CCDC7: variants seen among roughly 807,000 people sequenced by gnomAD.
CCDC7 encodes the protein coiled-coil domain containing 7.
CCDC7 carries 183 observed loss-of-function variants against 196.9 expected under a neutral mutation model. The observed-to-expected ratio is 0.93, with a 90% CI of 0.82 to 1.05. CCDC7 has a LOEUF of 1.05. Ranked by LOEUF, CCDC7 falls within the 50% of genes least tolerant of loss-of-function variation. The pLI is 0.00. For missense variants in CCDC7, 1,540 were observed against 1,482.2 expected, an observed-to-expected ratio of 1.04 and a Z score of -0.64; for synonymous variants, 525 against 484.6, an observed-to-expected ratio of 1.08 and a Z score of -1.10.
At chr10:32,802,550 G>A (rs987580138) in intron 29 of CCDC7, among the ~76,000 whole-genome samples, 32 of 152,178 alleles carry the variant, frequency 2.1e-4, no homozygotes, top group African/African-American at 7.2e-4. Flanking sequence ...GGGTTCTCTT[G>A]AGGGCTGGAC....
At chr10:32,467,262 C>T (rs543726055) in intron 5 of CCDC7, among the ~76,000 whole-genome samples, 19 of 98,684 alleles carry the variant, frequency 1.9e-4, no homozygotes, top group South Asian at 1.8e-3. Context: ...CCACCATGCC[C>T]GGCTAATTTT....
chr10:32,666,532 C>A (rs533837172), intron 21 of CCDC7, among the ~76,000 whole-genome samples: 1 of 135,668 alleles, frequency 7.4e-6, no homozygotes, highest in East Asian at 2.3e-4. Flanking sequence ...CCCCCTCCCC[C>A]CACCCCATGA....
chr10:32,708,503 G>A (rs920196217), intron 24 of CCDC7, among the ~76,000 whole-genome samples: 2 of 152,206 alleles, frequency 1.3e-5, no homozygotes, highest in South Asian at 2.1e-4. Flanking sequence ...CTTCTGCACA[G>A]CAAAAGAAAC....
chr10:32,495,048 C>T (rs1384007642), intron 9 of CCDC7, among the ~76,000 whole-genome samples: 1 of 152,196 alleles, frequency 6.6e-6, no homozygotes, highest in Non-Finnish European at 1.5e-5. Flanking sequence ...ACATCATCTC[C>T]AGCATCTGTT....
chr10:32,511,274 GAAAT>G, intron 9 of CCDC7: 1 of 775,020 alleles, frequency 1.3e-6, no homozygotes, highest in Non-Finnish European at 2.0e-6. Flanking sequence ...GGGGGGCGGG[GAAAT>G]GTACTTTTTG....
intron 20 of CCDC7, among the ~76,000 whole-genome samples, chr10:32,636,112 CA>C (rs2065590881): frequency 6.6e-6 from 1 of 152,186 alleles, no homozygotes; most frequent in African/African-American, 2.4e-5. Flanking sequence ...TTTATTACCA[CA>C]AAGTGTGATT....
chr10:32,610,643 A>C (rs181139165), intron 18 of CCDC7, among the ~76,000 whole-genome samples: 1 of 151,662 alleles, frequency 6.6e-6, no homozygotes, highest in African/African-American at 2.4e-5. Flanking sequence ...TCATTGTTCA[A>C]CTCCCACTTA....
At chr10:32,634,598 T>C (rs1444685318) in intron 19 of CCDC7, among the ~76,000 whole-genome samples, 1 of 152,108 alleles carries the variant, frequency 6.6e-6, no homozygotes, top group Non-Finnish European at 1.5e-5. Context: ...GGTTTCACCA[T>C]GTTGATCAGG....
At chr10:32,667,028 C>A (rs2072931965) in intron 21 of CCDC7, among the ~76,000 whole-genome samples, 1 of 152,184 alleles carries the variant, frequency 6.6e-6, no homozygotes, top group Non-Finnish European at 1.5e-5. Context: ...CACATCCTCT[C>A]CAGCACCTGT....
chr10:32,782,783 T>C (rs757063471), intron 29 of CCDC7, among the ~76,000 whole-genome samples: 6 of 152,188 alleles, frequency 3.9e-5, no homozygotes, highest in African/African-American at 1.4e-4. Context: ...AAGAGTGATA[T>C]ACTGGCATAA....
At chr10:32,864,303 C>A (rs1485636607) in intron 41 of CCDC7, among the ~76,000 whole-genome samples, 1 of 151,360 alleles carries the variant, frequency 6.6e-6, no homozygotes, top group Admixed American at 6.6e-5. Context: ...TGGAGAAATT[C>A]AAATCCTTTT....
intron 18 of CCDC7, among the ~76,000 whole-genome samples, chr10:32,597,128 T>C (rs2060465494): frequency 6.6e-6 from 1 of 152,212 alleles, no homozygotes; most frequent in African/African-American, 2.4e-5. Flanking sequence ...GTTTTCCAAC[T>C]TGGTTCCATT....
chr10:32,858,052 AT>A, intron 41 of CCDC7, among the ~76,000 whole-genome samples: 1 of 126,042 alleles, frequency 7.9e-6, no homozygotes, highest in East Asian at 2.8e-4. Context: ...TCCTCAAAAA[AT>A]ATAAGCTACC....
In CCDC7 at chr10:32,558,890, G is replaced by A. The variant is rs534967179; in HGVS notation, c.1135-6668G>A. The stretch of plus-strand genomic sequence containing the variant: ...CATTGCCTCACTCGGGAAGCGCAAG[G>A]GGTCAGGGAGTTCCCTTTCCTAGTC... On this transcript the variant is annotated intron_variant, in intron 13 of 41. Transcript: ENST00000639629. Among the ~76,000 whole-genome samples the A allele has an allele frequency of 3.3e-5, 5 of 152,362 alleles. No homozygotes were observed. The South Asian group carries it at 1.0e-3, about 32-fold the overall frequency.
chr10:32,717,022 C>A (rs560508443), intron 25 of CCDC7, among the ~76,000 whole-genome samples: 1 of 152,250 alleles, frequency 6.6e-6, no homozygotes, highest in East Asian at 1.9e-4. Context: ...CAGCTCTGCA[C>A]CAAGTGGACC....
At chr10:32,649,518 G>A (rs542818134) in intron 20 of CCDC7, among the ~76,000 whole-genome samples, 8 of 152,150 alleles carry the variant, frequency 5.3e-5, no homozygotes, top group African/African-American at 1.7e-4. Flanking sequence ...ATCTTATATC[G>A]TATCTGGCTG....
Position 32,473,955 on chromosome 10 carries a change from CT to C in CCDC7, c.740-8del. ...TTTGAAGTTTATAGTGACAAATACA[CT>C]TTTACTTCAGAATTCTTAGAAGCCC... On this transcript the variant is annotated splice_polypyrimidine_tract_variant and intron_variant, in intron 7 of 41. Coordinates refer to ENST00000639629, the Ensembl canonical transcript of CCDC7. 8.1e-6 allele frequency: 13 copies of C among 1,601,864 alleles called. No homozygotes were observed. Among genetic ancestry groups the C allele is most frequent in the South Asian group, 4.5e-5 (4 of 87,924 alleles).
Position 32,865,429 on chromosome 10 carries a change from ACACG to A in CCDC7, c.4112-10917_4112-10914del, listed in dbSNP as rs1352931055. On this transcript the variant is annotated intron_variant, in intron 41 of 41. Transcript: ENST00000639629. ...CACACACACACACACACACACACAC[ACACG>A]AGAATGGCTAAAGTTATAAAGTGAC... Among the ~76,000 whole-genome samples, 309 of 137,350 alleles carry A rather than the reference ACACG, an allele frequency of 2.2e-3. 4 individuals are homozygous for A. Among genetic ancestry groups the A allele is most frequent in the South Asian group, 0.016 (68 of 4,210 alleles). 90.1% of individuals were successfully genotyped at this position (137,350 alleles called of 152,430 possible). A position where few individuals can be genotyped will look rare whatever the true frequency, so the allele number is the denominator to read the frequency against.
At chr10:32,598,356 G>C (rs2060636857) in intron 18 of CCDC7, among the ~76,000 whole-genome samples, 1 of 152,178 alleles carries the variant, frequency 6.6e-6, no homozygotes, top group African/African-American at 2.4e-5. Context: ...CATTGGAAAA[G>C]TGCAGTATCA....
Sources: allele counts gnomAD v4.1 joint callset (sites outside exome capture counted in the v4.1 genomes callset), GRCh38; gene constraint gnomAD v4.1.1; transcripts MANE v1.5; gene names NCBI Gene and HGNC (gene_info 2026-07-23, HGNC 2026-07-21).